RBP7: variants seen among roughly 807,000 people sequenced by gnomAD.
The protein encoded by RBP7 is retinol binding protein 7, also known as retinoid-binding protein 7.
In RBP7, 13 loss-of-function variants were observed where a neutral mutation model predicts 16.7. That is an observed-to-expected ratio of 0.78 (90% CI 0.51 to 1.24). RBP7 has a LOEUF of 1.24. Among genes scored for constraint, RBP7 ranks in the 50% most tolerant of loss-of-function variants. RBP7 has a pLI of 0.00. For missense variants in RBP7, 145 were observed against 159.5 expected (o/e 0.91, Z 0.49); for synonymous variants, 54 against 56.2 (o/e 0.96, Z 0.17).
intron 3 of RBP7, among the ~76,000 whole-genome samples, chr1:10,013,274 T>C (rs1458781149): frequency 6.6e-6 from 1 of 152,046 alleles, no homozygotes; most frequent in Non-Finnish European, 1.5e-5. Flanking sequence ...GGTTTCACCA[T>C]GCTGGTCAGG....
At chr1:10,007,491 G>A (rs1255478185) in intron 1 of RBP7, 79 bp from the exon 2 acceptor site, 2 of 1,036,196 alleles carry the variant, frequency 1.9e-6, no homozygotes, top group East Asian at 2.6e-5. Flanking sequence ...TACATGTGGT[G>A]ATTTTGAGAA....
chr1:10,008,097 G>GT, intron 2 of RBP7, 76 bp from the exon 3 acceptor site: 1 of 950,296 alleles, frequency 1.1e-6, no homozygotes, highest in Non-Finnish European at 1.7e-6. Context: ...TTTTGCAAGG[G>GT]TAACTTGGCA....
chr1:10,013,386 A>T (rs1418858808), intron 3 of RBP7, among the ~76,000 whole-genome samples: 2 of 152,080 alleles, frequency 1.3e-5, no homozygotes, highest in Non-Finnish European at 2.9e-5. Context: ...ATGATATATT[A>T]AAAAATATTT....
chr1:10,007,834 G>A, intron 2 of RBP7, 86 bp downstream of exon 2: 1 of 1,274,930 alleles, frequency 7.8e-7, no homozygotes, highest in Non-Finnish European at 1.1e-6. Context: ...ACCACCTGAG[G>A]TCAGTAGTTT....
intron 3 of RBP7, among the ~76,000 whole-genome samples, chr1:10,009,337 T>TGG (rs1270036306): frequency 7.0e-4 from 107 of 151,956 alleles, no homozygotes; most frequent in African/African-American, 2.5e-3. Flanking sequence ...TAGAACCAGT[T>TGG]AGTCGGAGGT....
At chr1:10,010,250 A>G (rs1003707855) in intron 3 of RBP7, among the ~76,000 whole-genome samples, 7 of 148,546 alleles carry the variant, frequency 4.7e-5, no homozygotes, top group Non-Finnish European at 1.0e-4. Context: ...CAAGTAGCTG[A>G]GACTACAGGT....
In RBP7 at chr1:9,997,235, G is replaced by T. The variant is rs1161775234; in HGVS notation, c.-24G>T. Reference sequence around the variant, plus strand: ...CGGCCCGAGCCTCCGGCCGCCCGCCGGGTTTGTCCCGCGATCCCCGACCAT... The same window carrying T: ...CGGCCCGAGCCTCCGGCCGCCCGCCTGGTTTGTCCCGCGATCCCCGACCAT... On this transcript the variant is annotated 5_prime_UTR_variant, in exon 1 of 4. Coordinates refer to ENST00000294435, the MANE Select transcript of RBP7 (RefSeq NM_052960.3). This position sits in a 1 kb window ranked among gnomAD's most constrained non-coding sequence, Gnocchi z 5.9. 3 of 1,360,092 alleles carry T rather than the reference G, an allele frequency of 2.2e-6. No homozygotes were observed. The highest frequency in any genetic ancestry group is 2.9e-6 in the Non-Finnish European group (3 of 1,026,276). The allele number at this position is 1,360,092 out of a possible 1,614,324, so 84.3% of individuals were successfully genotyped here.
At chr1:10,006,826 T>C (rs1642456794) in intron 1 of RBP7, 2 of 329,444 alleles carry the variant, frequency 6.1e-6, no homozygotes. Context: ...TTGTTTTCAT[T>C]CTTGTTGAGA....
chr1:10,008,365 T>C, intron 3 of RBP7, 91 bp downstream of exon 3: 2 of 776,788 alleles, frequency 2.6e-6, no homozygotes, highest in South Asian at 1.6e-5. Context: ...AATCCCAGCA[T>C]TTTAGGAGGC....
intron 1 of RBP7, among the ~76,000 whole-genome samples, chr1:10,001,915 G>A (rs891328734): frequency 2.0e-5 from 3 of 151,838 alleles, no homozygotes; most frequent in South Asian, 2.1e-4. Flanking sequence ...CTGCAACTCC[G>A]TCTCCCGGGT....
At chr1:10,003,359 AG>A (rs1382025664) in intron 1 of RBP7, among the ~76,000 whole-genome samples, 1 of 152,170 alleles carries the variant, frequency 6.6e-6, no homozygotes, top group Non-Finnish European at 1.5e-5. Context: ...CCGGAGGCAG[AG>A]GTTGCAGTGA....
rs1168861173 is a variant in RBP7 at position 10,004,612 on chromosome 1, G to A, written c.74-2958G>A. Among the ~76,000 whole-genome samples, 3 of 151,682 alleles carry A rather than the reference G, an allele frequency of 2.0e-5. No homozygotes were observed. In the East Asian group the frequency reaches 5.8e-4, roughly 29 times the overall value. ...CTGGTCGCGTTGGTCTGCCCGCCTCGGCCTCCCGAAGTGCTGGGATTACAG... is the reference window on the plus strand; with the variant it reads ...CTGGTCGCGTTGGTCTGCCCGCCTCAGCCTCCCGAAGTGCTGGGATTACAG... On this transcript the variant is annotated intron_variant, in intron 1 of 3. Coordinates refer to ENST00000294435, the MANE Select transcript of RBP7 (RefSeq NM_052960.3).
intron 1 of RBP7, among the ~76,000 whole-genome samples, chr1:10,005,561 T>C (rs572927599): frequency 1.3e-3 from 191 of 151,230 alleles, no homozygotes; most frequent in Non-Finnish European, 2.5e-3. Context: ...TGGTTGTTGT[T>C]GTTTGGGTTT....
intron 1 of RBP7, among the ~76,000 whole-genome samples, chr1:10,006,762 T>TAG (rs558347217): frequency 0.03 from 4,347 of 146,268 alleles, 77 homozygotes; most frequent in African/African-American, 0.035. Flanking sequence ...TATATATATA[T>TAG]ATAGAGAGAG....
chr1:10,011,283 GA>G (rs558643923), intron 3 of RBP7, among the ~76,000 whole-genome samples: 6 of 150,508 alleles, frequency 4.0e-5, no homozygotes, highest in African/African-American at 1.2e-4. Flanking sequence ...CCTGCTTTGG[GA>G]AAAAAAAAGA....
intron 1 of RBP7, among the ~76,000 whole-genome samples, chr1:10,000,784 A>G (rs1642256396): frequency 6.6e-6 from 1 of 151,706 alleles, no homozygotes. Context: ...TGCCCAGGCT[A>G]GAGTGCAGTG....
rs1244753164 is a variant in RBP7, at chr1:9,997,365, C to T, written c.73+34C>T. 4.4e-6 allele frequency: 7 copies of T among 1,599,348 alleles called. No homozygotes were observed. The highest frequency in any genetic ancestry group is 2.3e-5 in the East Asian group (1 of 44,372). ...GAGGGGAGGCGGCGGCGGCGCGAGG[C>T]TCGCCGTGGGTCTCGGGATCAGGCG... On this transcript the variant is annotated intron_variant, in intron 1 of 3. Transcript: ENST00000294435. The surrounding 1 kb of genome is among the most constrained non-coding windows in gnomAD (Gnocchi z 5.9).
chr1:10,006,764 T>TATATATAG (rs1325127839), intron 1 of RBP7, among the ~76,000 whole-genome samples: 8 of 141,474 alleles, frequency 5.7e-5, no homozygotes, highest in African/African-American at 2.2e-4. Flanking sequence ...TATATATATA[T>TATATATAG]AGAGAGAGAG....
chr1:10,008,656 GT>G (rs1642520756), intron 3 of RBP7, among the ~76,000 whole-genome samples: 1 of 151,352 alleles, frequency 6.6e-6, no homozygotes, highest in African/African-American at 2.4e-5. Context: ...GGCCAGGATG[GT>G]CTCGATCTCT....
Sources: allele counts gnomAD v4.1 joint callset (sites outside exome capture counted in the v4.1 genomes callset), GRCh38; gene constraint gnomAD v4.1.1; non-coding constraint Gnocchi (gnomAD v3.1); transcripts MANE v1.5; gene names NCBI Gene and HGNC (gene_info 2026-07-23, HGNC 2026-07-21).